The following NMT1 variants were observed in gnomAD, a reference collection of about 807,000 sequenced individuals.
The protein encoded by NMT1 is glycylpeptide N-tetradecanoyltransferase 1.
NMT1 carries 12 observed loss-of-function variants against 63.4 expected under a neutral mutation model. The ratio of observed to expected loss-of-function variants is 0.19; its 90% CI spans 0.12 to 0.31. The LOEUF (loss-of-function observed/expected upper bound fraction) is 0.31. NMT1 is among the 10% of genes least tolerant of loss of function. The probability of loss-of-function intolerance (pLI) is 1.00; values close to 1 mark genes in which losing one functional copy is unlikely to be tolerated. For missense variants in NMT1, 432 were observed against 634.6 expected, an observed-to-expected ratio of 0.68 and a Z score of 3.43; for synonymous variants, 228 against 234.3, an observed-to-expected ratio of 0.97 and a Z score of 0.25.
chr17:45,087,817 T>C (rs2239916), intron 3 of NMT1, among the ~76,000 whole-genome samples: 87,137 of 151,992 alleles, frequency 0.57, 25,564 homozygotes, highest in African/African-American at 0.64. Flanking sequence ...AGGGTAGGGC[T>C]AAAGACTGGT....
At chr17:45,093,456 C>T (rs761176763) in intron 3 of NMT1, among the ~76,000 whole-genome samples, 1 of 152,248 alleles carries the variant, frequency 6.6e-6, no homozygotes, top group South Asian at 2.1e-4. Flanking sequence ...TTCCAAAACA[C>T]GAACCACCTT....
intron 3 of NMT1, among the ~76,000 whole-genome samples, chr17:45,091,375 GCA>G (rs1487096391): frequency 6.6e-6 from 1 of 152,172 alleles, no homozygotes; most frequent in Admixed American, 6.6e-5. Context: ...CACAGAACTG[GCA>G]CATTCTAGGA....
At chr17:45,077,848 A>G (rs1288178648) in intron 1 of NMT1, among the ~76,000 whole-genome samples, 1 of 152,192 alleles carries the variant, frequency 6.6e-6, no homozygotes, top group Non-Finnish European at 1.5e-5. Flanking sequence ...TCTTTAGGCC[A>G]TAAATGACTT....
At chr17:45,083,062 A>G (rs1160101257) in intron 2 of NMT1, among the ~76,000 whole-genome samples, 2 of 151,274 alleles carry the variant, frequency 1.3e-5, no homozygotes, top group Admixed American at 6.6e-5. Context: ...CACGCTTGTA[A>G]TCTCAGCACT....
rs2143528306 is a variant in NMT1, at chr17:45,105,948, G to A, written c.*309G>A. Reference sequence around the variant, plus strand: ...TTGGCATATAATGGAGTTAACGGGTGAATAATAAAAGTATATATATATATT... The same window carrying A: ...TTGGCATATAATGGAGTTAACGGGTAAATAATAAAAGTATATATATATATT... On this transcript the variant is annotated 3_prime_UTR_variant, in exon 12 of 12. Transcript: ENST00000258960. This position sits in a 1 kb window ranked among gnomAD's most constrained non-coding sequence, Gnocchi z 4.2. The A allele has an allele frequency of 4.8e-6, 1 of 207,262 alleles. No individual in the cohort carries two copies. Among genetic ancestry groups the A allele is most frequent in the South Asian group, 9.7e-5 (1 of 10,302 alleles). The allele number at this position is 207,262 out of a possible 1,614,324, so 12.8% of individuals were successfully genotyped here.
intron 2 of NMT1, among the ~76,000 whole-genome samples, chr17:45,084,810 A>G (rs888576399): frequency 1.3e-5 from 2 of 152,164 alleles, no homozygotes; most frequent in South Asian, 2.1e-4. Flanking sequence ...AGCTACTCTC[A>G]TACACTGTTC....
At chr17:45,076,620 C>T (rs182293029) in intron 1 of NMT1, among the ~76,000 whole-genome samples, 1 of 151,718 alleles carries the variant, frequency 6.6e-6, no homozygotes, top group Non-Finnish European at 1.5e-5. Context: ...TGTGATGGCA[C>T]ATGCTTATAA....
rs2054216990 is a variant in NMT1 at position 45,108,312 on chromosome 17, C to G, written c.*2673C>G. 1 of 152,072 alleles carries G rather than the reference C, an allele frequency of 6.6e-6. No homozygotes were observed. 9.4% of individuals were successfully genotyped at this position (152,072 alleles called of 1,614,324 possible). A position where few individuals can be genotyped will look rare whatever the true frequency, so the allele number is the denominator to read the frequency against. ...GAGAGCTGAGTAGGAGGCCTCCACT[C>G]CGGATCGAGGCCTGTATAGGGCTCG... is the stretch of plus-strand genomic sequence containing the variant. On this transcript the variant is annotated 3_prime_UTR_variant, in exon 12 of 12. Coordinates refer to ENST00000258960, the MANE Select transcript of NMT1 (RefSeq NM_021079.5).
intron 8 of NMT1, among the ~76,000 whole-genome samples, chr17:45,101,669 C>T (rs1343115905): frequency 6.6e-6 from 1 of 151,238 alleles, no homozygotes; most frequent in Non-Finnish European, 1.5e-5. Flanking sequence ...CTTCTCTTTC[C>T]TCGGAGTGCT....
intron 1 of NMT1, among the ~76,000 whole-genome samples, chr17:45,080,214 G>A (rs372228713): frequency 9.9e-5 from 15 of 151,292 alleles, no homozygotes; most frequent in Admixed American, 7.3e-4. Flanking sequence ...AGGCTGGAGT[G>A]CCGTGGCGCG....
At chr17:45,082,120 C>G (rs2054020808) in intron 2 of NMT1, among the ~76,000 whole-genome samples, 1 of 152,104 alleles carries the variant, frequency 6.6e-6, no homozygotes, top group Non-Finnish European at 1.5e-5. Context: ...CCCCCCCTTT[C>G]TTTTTGAGAC....
At chr17:45,091,187 G>GAC (rs3062356) in intron 3 of NMT1, among the ~76,000 whole-genome samples, 13,653 of 120,916 alleles carry the variant, frequency 0.11, 975 homozygotes, top group Non-Finnish European at 0.13. Flanking sequence ...GGTCTTTCCT[G>GAC]ACACACACAC....
At chr17:45,102,831 G>A (rs2054176090) in intron 8 of NMT1, 120 bp from the exon 9 acceptor site, 4 of 843,448 alleles carry the variant, frequency 4.7e-6, no homozygotes, top group Admixed American at 2.5e-5. Context: ...GATATGCACG[G>A]GGGTGCAGGG....
rs2053999035 is a variant in NMT1, at chr17:45,079,441, T to C, written c.132-2203T>C. Reference sequence around the variant, plus strand: ...AGTGTGGCTAAGAGGCTGAGCATGGTGGCTCACACCTGTAATCCCAGCACT... The same window carrying C: ...AGTGTGGCTAAGAGGCTGAGCATGGCGGCTCACACCTGTAATCCCAGCACT... On this transcript the variant is annotated intron_variant, in intron 1 of 11. Coordinates refer to ENST00000258960, the MANE Select transcript of NMT1 (RefSeq NM_021079.5). Among the ~76,000 whole-genome samples, 3 of 152,302 alleles carry C rather than the reference T, an allele frequency of 2.0e-5. No homozygotes were observed. In the South Asian group the frequency reaches 6.2e-4, roughly 32 times the overall value.
At position 45,104,459 on chromosome 17, in the gene NMT1, G is replaced by A; in HGVS notation, c.1333-400G>A. ...AGGTGCACTGAGGGCCTGAGAGTTG[G>A]GGCATCCATGGAGTAAGGAAGCAAC... On this transcript the variant is annotated intron_variant, in intron 10 of 11. Transcript: ENST00000258960. The surrounding 1 kb of genome is among the most constrained non-coding windows in gnomAD (Gnocchi z 4.2). 4 of 1,091,592 alleles carry A rather than the reference G, an allele frequency of 3.7e-6. No homozygotes were observed. The highest frequency in any genetic ancestry group is 4.5e-6 in the Non-Finnish European group (4 of 894,486). The allele number at this position is 1,091,592 out of a possible 1,614,324, so 67.6% of individuals were successfully genotyped here.
In NMT1 at chr17:45,098,875, A is replaced by T; in HGVS notation, c.884+323A>T. On this transcript the variant is annotated intron_variant, in intron 7 of 11. Transcript: ENST00000258960. ...AGCCCAAATCTGGATTTTTATGGGAAATGTCCTAAAGTTTTAAATGGTTGG... is the reference window on the plus strand; with the variant it reads ...AGCCCAAATCTGGATTTTTATGGGATATGTCCTAAAGTTTTAAATGGTTGG... 3 of 308,838 alleles carry T rather than the reference A, an allele frequency of 9.7e-6. No individual in the cohort carries two copies. In the South Asian group the frequency reaches 1.8e-4, roughly 18 times the overall value. 19.1% of individuals were successfully genotyped at this position (308,838 alleles called of 1,614,324 possible).
intron 1 of NMT1, among the ~76,000 whole-genome samples, chr17:45,072,254 C>CA (rs969648377): frequency 6.1e-3 from 730 of 119,662 alleles, no homozygotes; most frequent in African/African-American, 0.014. Flanking sequence ...ACTGTCTTTA[C>CA]AAAAAAAAAA....
At chr17:45,090,346 G>T (rs1307210968) in intron 3 of NMT1, among the ~76,000 whole-genome samples, 1 of 152,174 alleles carries the variant, frequency 6.6e-6, no homozygotes, top group Non-Finnish European at 1.5e-5. Flanking sequence ...TTTAGTCTGT[G>T]TAACAACTGT....
intron 3 of NMT1, among the ~76,000 whole-genome samples, chr17:45,091,187 G>GACACACAC (rs3062356): frequency 0.045 from 5,450 of 120,990 alleles, 280 homozygotes; most frequent in South Asian, 0.07. Flanking sequence ...GGTCTTTCCT[G>GACACACAC]ACACACACAC....
Sources: allele counts gnomAD v4.1 joint callset (sites outside exome capture counted in the v4.1 genomes callset), GRCh38; gene constraint gnomAD v4.1.1; non-coding constraint Gnocchi (gnomAD v3.1); transcripts MANE v1.5; gene names NCBI Gene and HGNC (gene_info 2026-07-23, HGNC 2026-07-21).